SNTB1: variants seen among roughly 807,000 people sequenced by gnomAD.
SNTB1 encodes beta-1-syntrophin.
In SNTB1, 36 loss-of-function variants were observed where a neutral mutation model predicts 48.9. The observed-to-expected ratio is 0.74, with a 90% CI of 0.56 to 0.97. The LOEUF (loss-of-function observed/expected upper bound fraction) is 0.97. SNTB1 is among the 50% of genes least tolerant of loss of function. The pLI, the probability that SNTB1 is intolerant of heterozygous loss-of-function variation, is 0.00. For synonymous variants in SNTB1, 299 were observed against 294.6 expected (o/e 1.01, Z -0.15); for missense variants, 786 against 703.4 (o/e 1.12, Z -1.33).
intron 1 of SNTB1, among the ~76,000 whole-genome samples, chr8:120,736,186 C>T (rs918698007): frequency 2.0e-5 from 3 of 152,102 alleles, no homozygotes; most frequent in Non-Finnish European, 4.4e-5. Context: ...ATCATGAGAA[C>T]AGAACTGTCC....
intron 1 of SNTB1, among the ~76,000 whole-genome samples, chr8:120,770,914 T>G (rs897853013): frequency 6.6e-6 from 1 of 152,218 alleles, no homozygotes; most frequent in African/African-American, 2.4e-5. Flanking sequence ...GGTCCCATGT[T>G]TACAGACATT....
intron 4 of SNTB1, among the ~76,000 whole-genome samples, chr8:120,557,964 G>C (rs1815594302): frequency 6.6e-6 from 1 of 152,156 alleles, no homozygotes; most frequent in African/African-American, 2.4e-5. Flanking sequence ...ATCATACTTG[G>C]AAACACATTA....
At chr8:120,608,219 G>C (rs963465473) in intron 3 of SNTB1, among the ~76,000 whole-genome samples, 7 of 152,072 alleles carry the variant, frequency 4.6e-5, no homozygotes, top group African/African-American at 1.7e-4. Flanking sequence ...AATTGCAAAA[G>C]ATAAAAATTC....
chr8:120,769,856 T>C (rs1819588932), intron 1 of SNTB1, among the ~76,000 whole-genome samples: 1 of 152,232 alleles, frequency 6.6e-6, no homozygotes, highest in African/African-American at 2.4e-5. Context: ...CAATAGATGA[T>C]CAGCATATAC....
At chr8:120,685,075 A>C (rs558001094) in intron 2 of SNTB1, among the ~76,000 whole-genome samples, 36 of 152,276 alleles carry the variant, frequency 2.4e-4, no homozygotes, top group Admixed American at 5.2e-4. Flanking sequence ...CATGGCTTTG[A>C]TGGGCACAGC....
intron 2 of SNTB1, among the ~76,000 whole-genome samples, chr8:120,647,493 T>C (rs1335565661): frequency 1.0e-4 from 15 of 149,436 alleles, no homozygotes; most frequent in Admixed American, 6.6e-4. Context: ...AGTTTCTTAA[T>C]CCTGAGTTCT....
chr8:120,618,135 G>A (rs929475116), intron 3 of SNTB1, among the ~76,000 whole-genome samples: 2 of 152,108 alleles, frequency 1.3e-5, no homozygotes, highest in African/African-American at 4.8e-5. Context: ...CAGTTTAAGA[G>A]CTTTCTTAAC....
chr8:120,668,128 A>G (rs1817703464), intron 2 of SNTB1, among the ~76,000 whole-genome samples: 2 of 152,182 alleles, frequency 1.3e-5, no homozygotes, highest in African/African-American at 4.8e-5. Context: ...TGCCTTGTGA[A>G]CAGTGGCTGT....
intron 2 of SNTB1, among the ~76,000 whole-genome samples, chr8:120,671,702 T>C (rs1817759713): frequency 6.6e-6 from 1 of 152,226 alleles, no homozygotes; most frequent in Non-Finnish European, 1.5e-5. Flanking sequence ...ACCTGGTTTG[T>C]AGTAATTTGT....
chr8:120,714,402 C>G (rs1818521183), intron 1 of SNTB1, among the ~76,000 whole-genome samples: 1 of 152,104 alleles, frequency 6.6e-6, no homozygotes, highest in Non-Finnish European at 1.5e-5. Flanking sequence ...TACAAATACT[C>G]CATTTCACAG....
chr8:120,703,920 T>C (rs1264424577), intron 1 of SNTB1, among the ~76,000 whole-genome samples: 1 of 152,210 alleles, frequency 6.6e-6, no homozygotes, highest in African/African-American at 2.4e-5. Context: ...CTATTACGCC[T>C]ACCTTATAAG....
chr8:120,620,816 C>T (rs1023480857), intron 3 of SNTB1, among the ~76,000 whole-genome samples: 1 of 152,128 alleles, frequency 6.6e-6, no homozygotes, highest in African/African-American at 2.4e-5. Context: ...AATCCTCTAG[C>T]ACACTTTTTT....
intron 1 of SNTB1, among the ~76,000 whole-genome samples, chr8:120,791,635 T>C (rs901288677): frequency 2.0e-5 from 3 of 151,604 alleles, no homozygotes; most frequent in Admixed American, 1.3e-4. Context: ...TGGGCAAATA[T>C]CATGAATACT....
At chr8:120,675,807 G>C (rs1289233234) in intron 2 of SNTB1, among the ~76,000 whole-genome samples, 1 of 152,168 alleles carries the variant, frequency 6.6e-6, no homozygotes, top group Non-Finnish European at 1.5e-5. Context: ...TCAGGGCACA[G>C]AGTTTCCTTT....
chr8:120,675,573 A>T (rs1817820811), intron 2 of SNTB1, among the ~76,000 whole-genome samples: 2 of 152,166 alleles, frequency 1.3e-5, no homozygotes, highest in African/African-American at 4.8e-5. Flanking sequence ...ACACATACTT[A>T]TCATTGTCTC....
At chr8:120,739,552 T>C (rs1344663030) in intron 1 of SNTB1, among the ~76,000 whole-genome samples, 1 of 152,158 alleles carries the variant, frequency 6.6e-6, no homozygotes, top group Non-Finnish European at 1.5e-5. Context: ...TTATCTTTTG[T>C]AGAGGAATTC....
chr8:120,695,833 A>G (rs530553620), intron 1 of SNTB1, among the ~76,000 whole-genome samples: 4 of 152,230 alleles, frequency 2.6e-5, no homozygotes, highest in Admixed American at 6.5e-5. Context: ...TTAGTTGAAT[A>G]TAAGTGCAAT....
At chr8:120,726,846 T>C (rs1031371267) in intron 1 of SNTB1, among the ~76,000 whole-genome samples, 1 of 152,160 alleles carries the variant, frequency 6.6e-6, no homozygotes, top group Non-Finnish European at 1.5e-5. Context: ...AATCTGAAAC[T>C]GGAATGCTGA....
intron 1 of SNTB1, chr8:120,769,841 C>T (rs1351712889): frequency 6.6e-6 from 1 of 152,186 alleles, no homozygotes; most frequent in Non-Finnish European, 1.5e-5. Flanking sequence ...GGATGGTTTC[C>T]TACACAATAG....
Sources: allele counts gnomAD v4.1 joint callset (sites outside exome capture counted in the v4.1 genomes callset), GRCh38; gene constraint gnomAD v4.1.1; transcripts MANE v1.5; gene names NCBI Gene and HGNC (gene_info 2026-07-23, HGNC 2026-07-21).